CCND3: variants seen among roughly 807,000 people sequenced by gnomAD.
CCND3 encodes G1/S-specific cyclin-D3.
In CCND3, 9 loss-of-function variants were observed where a neutral mutation model predicts 28.7. The ratio of observed to expected loss-of-function variants is 0.31; its 90% confidence interval spans 0.19 to 0.55. The LOEUF is 0.55. CCND3 is among the 20% of genes least tolerant of loss of function. CCND3 has a pLI of 0.93. For synonymous variants in CCND3, 164 were observed against 163.9 expected (o/e 1.00, Z 0.00); for missense variants, 315 against 385.8 (o/e 0.82, Z 1.54).
intron 1 of CCND3, among the ~76,000 whole-genome samples, chr6:41,964,461 T>G (rs1246079037): frequency 1.2e-5 from 1 of 82,302 alleles, no homozygotes; most frequent in Non-Finnish European, 2.9e-5. Context: ...AGTCTGTGTG[T>G]GAGTGTGTGT....
chr6:42,005,312 C>T (rs756192940), intron 1 of CCND3, among the ~76,000 whole-genome samples: 2 of 151,908 alleles, frequency 1.3e-5, no homozygotes, highest in South Asian at 2.1e-4. Context: ...GAAGCCAGGG[C>T]GGGTGGATAA....
chr6:42,025,356 C>T (rs1184327926), intron 1 of CCND3, among the ~76,000 whole-genome samples: 9 of 152,184 alleles, frequency 5.9e-5, no homozygotes, highest in Admixed American at 3.3e-4. Flanking sequence ...CCAATTGCCA[C>T]GCCACCTTCT....
intron 1 of CCND3, chr6:41,940,889 G>A: frequency 6.8e-7 from 1 of 1,461,552 alleles, no homozygotes; most frequent in East Asian, 2.3e-5. Context: ...TGGGACGCAA[G>A]GGTCACCCAT....
chr6:41,965,155 C>T (rs146951292), intron 1 of CCND3, among the ~76,000 whole-genome samples: 2,082 of 148,450 alleles, frequency 0.014, 28 homozygotes, highest in South Asian at 0.041. Flanking sequence ...CTGCAACTTC[C>T]GCCTCCTGGG....
chr6:42,020,998 T>G (rs1763695431), intron 1 of CCND3, among the ~76,000 whole-genome samples: 1 of 152,198 alleles, frequency 6.6e-6, no homozygotes, highest in Non-Finnish European at 1.5e-5. Flanking sequence ...GTGATCCGCG[T>G]GCCTCGGCTT....
At chr6:42,016,918 C>T (rs1325874508) in intron 1 of CCND3, among the ~76,000 whole-genome samples, 1 of 152,156 alleles carries the variant, frequency 6.6e-6, no homozygotes, top group Non-Finnish European at 1.5e-5. Flanking sequence ...TTCACACTCT[C>T]AACTACAACA....
chr6:41,987,509 CTCTCTCTCTGTGTGTGTGTGTGTGTG>C (rs1361079528), intron 1 of CCND3, among the ~76,000 whole-genome samples: 116 of 68,596 alleles, frequency 1.7e-3, no homozygotes, highest in Middle Eastern at 0.011. Flanking sequence ...CTCTCTCTCT[CTCTCTCTCTGTGTGTGTGTGTGTGTG>C]TGTGTGTGTG....
At chr6:41,942,745 G>T (rs990211365), upstream of CCND3, among the ~76,000 whole-genome samples, 4 of 152,066 alleles carry the variant, frequency 2.6e-5, no homozygotes, top group African/African-American at 7.2e-5. Flanking sequence ...TCCACTTGAC[G>T]AAGAGGCCGA....
At chr6:41,970,667 C>T (rs1427827673) in intron 1 of CCND3, among the ~76,000 whole-genome samples, 1 of 152,180 alleles carries the variant, frequency 6.6e-6, no homozygotes. Flanking sequence ...CCCATCCTTC[C>T]CTCTTCACCA....
chr6:41,951,593 G>A (rs1390262400), intron 1 of CCND3, among the ~76,000 whole-genome samples: 2 of 144,372 alleles, frequency 1.4e-5, no homozygotes, highest in African/African-American at 5.1e-5. Context: ...AAGATTAAGT[G>A]GGAGTAAGAA....
intron 1 of CCND3, among the ~76,000 whole-genome samples, chr6:41,974,792 C>CTTTTT (rs762947208): frequency 6.4e-5 from 8 of 125,840 alleles, no homozygotes; most frequent in Non-Finnish European, 9.7e-5. Context: ...CCCCACAGTT[C>CTTTTT]TTTTTTTTTT....
intron 1 of CCND3, among the ~76,000 whole-genome samples, chr6:42,008,968 G>A (rs1030727889): frequency 1.3e-5 from 2 of 152,222 alleles, no homozygotes; most frequent in South Asian, 2.1e-4. Flanking sequence ...GGGGCTGCCC[G>A]TGGGAATAGG....
In CCND3 at chr6:41,941,179, GGA is replaced by G. The variant is rs1776001826; in HGVS notation, c.198+271_198+272del. The G allele has an allele frequency of 2.1e-6, 3 of 1,448,116 alleles. No homozygotes were observed. Among genetic ancestry groups the G allele is most frequent in the Non-Finnish European group, 2.7e-6 (3 of 1,106,022 alleles). 89.7% of individuals were successfully genotyped at this position (1,448,116 alleles called of 1,614,324 possible). A position where few individuals can be genotyped will look rare whatever the true frequency, so the allele number is the denominator to read the frequency against. On this transcript the variant is annotated intron_variant, in intron 1 of 4. Transcript: ENST00000372991. This position sits in a 1 kb window ranked among gnomAD's most constrained non-coding sequence, Gnocchi z 6.1. ...GGGAGACGCTGTGAGAAGCCGAAGG[GGA>G]GAGAGTGTCCTTGGTCCCGTTTGCT... is the stretch of plus-strand genomic sequence containing the variant.
At chr6:41,944,121 A>G (rs922604294), upstream of CCND3, among the ~76,000 whole-genome samples, 2 of 152,002 alleles carry the variant, frequency 1.3e-5, no homozygotes, top group African/African-American at 4.8e-5. Flanking sequence ...ACTGGAAGCT[A>G]GGAGTTGAAG....
At chr6:42,037,355 A>G (rs1236175354) in intron 1 of CCND3, among the ~76,000 whole-genome samples, 1 of 151,792 alleles carries the variant, frequency 6.6e-6, no homozygotes, top group Admixed American at 6.6e-5. Context: ...CTCCTGCCTC[A>G]GCCTCCCAAG....
Position 41,941,540 on chromosome 6 carries a change from C to A in CCND3, c.110G>T (p.Arg37Leu). The A allele has an allele frequency of 6.2e-7, 1 of 1,601,048 alleles. No individual in the cohort carries two copies. Among genetic ancestry groups the A allele is most frequent in the African/African-American group, 1.3e-5 (1 of 74,814 alleles). The change falls in exon 1 of 5, where the codon CGC (arginine) becomes CTC (leucine). Residue 37 changes from arginine (R) to leucine (L), a missense_variant. By Grantham distance (102) the Arg-to-Leu change is moderately radical. Coordinates refer to ENST00000372991, the MANE Select transcript of CCND3 (RefSeq NM_001760.5). This position sits in a 1 kb window ranked among gnomAD's most constrained non-coding sequence, Gnocchi z 6.1. ...VLQSLLRLEE[R>L]YVPRASYFQC... ...GAAGTAGGAGGCGCGGGGTACGTAGCGCTCCTCCAGGCGGAGCAGGCTCTG... is the reference window on the plus strand; with the variant it reads ...GAAGTAGGAGGCGCGGGGTACGTAGAGCTCCTCCAGGCGGAGCAGGCTCTG...
chr6:42,027,735 T>A lies in CCND3; in HGVS notation c.-46+20766A>T, dbSNP rs1364124476. 1.3e-5 allele frequency among the ~76,000 whole-genome samples: 2 copies of A among 151,874 alleles called. 1 individual carries two copies. The highest frequency in any genetic ancestry group is 4.8e-5 in the African/African-American group (2 of 41,322). Reference sequence around the variant, plus strand: ...TCTCTTAGCCTCTCTAAGCCTCAGTTTTTTTTGTTTGTTTGTTTGTTTGTT... The same window carrying A: ...TCTCTTAGCCTCTCTAAGCCTCAGTATTTTTTGTTTGTTTGTTTGTTTGTT... On this transcript the variant is annotated intron_variant, in intron 1 of 4. Coordinates refer to the CCND3 transcript ENST00000372988.
chr6:41,964,454 CTGTGTGTGAG>C (rs1322249680), intron 1 of CCND3, among the ~76,000 whole-genome samples: 2 of 84,432 alleles, frequency 2.4e-5, no homozygotes, highest in African/African-American at 7.7e-5. Context: ...ATGTGTGAGT[CTGTGTGTGAG>C]TGTGTGTGTG....
At chr6:42,000,799 T>C (rs1762986393) in intron 1 of CCND3, among the ~76,000 whole-genome samples, 1 of 145,296 alleles carries the variant, frequency 6.9e-6, no homozygotes, top group Non-Finnish European at 1.5e-5. Context: ...ACTCCCGACC[T>C]CAGGTGATCC....
Sources: allele counts gnomAD v4.1 joint callset (sites outside exome capture counted in the v4.1 genomes callset), GRCh38; gene constraint gnomAD v4.1.1; non-coding constraint Gnocchi (gnomAD v3.1); transcripts MANE v1.5; gene names NCBI Gene and HGNC (gene_info 2026-07-23, HGNC 2026-07-21).